Variants in NALF1 observed in about 807,000 individuals in gnomAD.
NALF1 encodes the protein family with sequence similarity 155 member A.
In NALF1, 3 loss-of-function variants were observed where a neutral mutation model predicts 48.4. That is an observed-to-expected ratio of 0.06 (90% CI 0.03 to 0.16). NALF1 has a LOEUF of 0.16. Among genes scored for constraint, NALF1 ranks in the 10% least tolerant of loss-of-function variants. The probability of loss-of-function intolerance (pLI) is 1.00; values close to 1 mark genes in which losing one functional copy is unlikely to be tolerated. For missense variants in NALF1, 526 were observed against 571.5 expected, an observed-to-expected ratio of 0.92 and a Z score of 0.81; for synonymous variants, 262 against 245.7, an observed-to-expected ratio of 1.07 and a Z score of -0.62.
At chr13:107,231,195 A>T (rs1046522810) in intron 1 of NALF1, among the ~76,000 whole-genome samples, 1 of 152,138 alleles carries the variant, frequency 6.6e-6, no homozygotes, top group East Asian at 1.9e-4. Context: ...TGGCAAATAT[A>T]GGTTTTGTAA....
At chr13:107,859,492 A>T (rs1880513439) in intron 1 of NALF1, among the ~76,000 whole-genome samples, 2 of 152,212 alleles carry the variant, frequency 1.3e-5, no homozygotes, top group African/African-American at 2.4e-5. Flanking sequence ...CAAGAATTTT[A>T]AAAAACTACC....
intron 1 of NALF1, among the ~76,000 whole-genome samples, chr13:107,435,341 C>T (rs1018928794): frequency 6.7e-6 from 1 of 149,408 alleles, no homozygotes; most frequent in African/African-American, 2.4e-5. Context: ...AAAAAAAAAT[C>T]AAAAGTCTAC....
In NALF1 at chr13:107,640,217, CTA is replaced by C. The variant is rs1315760433; in HGVS notation, c.915+225463_915+225464del. On this transcript the variant is annotated intron_variant, in intron 1 of 2. Transcript: ENST00000375915. Reference sequence around the variant, plus strand: ...CAGTGTTAAAGGTTATAAACAAATTCTATGTCTCAACCACTAAGTACTACGGC... The same window carrying C: ...CAGTGTTAAAGGTTATAAACAAATTCTGTCTCAACCACTAAGTACTACGGC... 3.9e-5 allele frequency among the ~76,000 whole-genome samples: 6 copies of C among 152,232 alleles called. No homozygotes were observed. The East Asian group carries it at 1.2e-3, about 29-fold the overall frequency.
intron 1 of NALF1, among the ~76,000 whole-genome samples, chr13:107,860,398 T>C (rs1004564628): frequency 6.6e-5 from 10 of 152,236 alleles, no homozygotes; most frequent in African/African-American, 2.2e-4. Context: ...TCTATATCAA[T>C]TGTCACTGTG....
chr13:107,480,291 C>A (rs1299934456), intron 1 of NALF1, among the ~76,000 whole-genome samples: 2 of 152,112 alleles, frequency 1.3e-5, no homozygotes, highest in African/African-American at 2.4e-5. Context: ...ACTTCAGAGA[C>A]CCCTTTTAAT....
intron 1 of NALF1, among the ~76,000 whole-genome samples, chr13:107,750,130 T>C (rs1349931759): frequency 6.6e-6 from 1 of 152,184 alleles, no homozygotes; most frequent in African/African-American, 2.4e-5. Context: ...ATTTAAAGCA[T>C]TGCCTCGGCC....
chr13:107,841,073 A>C (rs1047575948), intron 1 of NALF1, among the ~76,000 whole-genome samples: 2 of 152,006 alleles, frequency 1.3e-5, no homozygotes, highest in Non-Finnish European at 2.9e-5. Flanking sequence ...CCATGTATTC[A>C]CTCATTTACT....
intron 1 of NALF1, among the ~76,000 whole-genome samples, chr13:107,410,965 G>T (rs1465888435): frequency 6.6e-6 from 1 of 152,150 alleles, no homozygotes; most frequent in Non-Finnish European, 1.5e-5. Flanking sequence ...TAAGATTGGG[G>T]ACTGGAGATG....
intron 1 of NALF1, among the ~76,000 whole-genome samples, chr13:107,318,080 C>A (rs186285948): frequency 2.0e-5 from 3 of 152,064 alleles, no homozygotes; most frequent in Admixed American, 1.3e-4. Context: ...TAAGGAGATA[C>A]GACTGAGCAT....
intron 1 of NALF1, among the ~76,000 whole-genome samples, chr13:107,232,823 A>G (rs1880255650): frequency 6.6e-6 from 1 of 152,142 alleles, no homozygotes; most frequent in East Asian, 1.9e-4. Flanking sequence ...ACTCTTTTTC[A>G]GTGATTGTTC....
intron 1 of NALF1, among the ~76,000 whole-genome samples, chr13:107,395,515 C>T (rs1883697544): frequency 1.3e-5 from 2 of 152,062 alleles, no homozygotes; most frequent in Non-Finnish European, 2.9e-5. Flanking sequence ...GCTGGGTCGT[C>T]GAGAAGTGTC....
chr13:107,710,456 G>C (rs968185277), intron 1 of NALF1, among the ~76,000 whole-genome samples: 8 of 152,066 alleles, frequency 5.3e-5, no homozygotes, highest in Non-Finnish European at 1.2e-4. Context: ...ACCTGAGACT[G>C]GGTAATTTAT....
At chr13:107,205,113 G>A (rs776322488) in intron 2 of NALF1, among the ~76,000 whole-genome samples, 2 of 151,584 alleles carry the variant, frequency 1.3e-5, no homozygotes, top group East Asian at 1.9e-4. Context: ...CCACTAACTC[G>A]TCATCTAGCA....
At chr13:107,706,130 G>A (rs769653601) in intron 1 of NALF1, among the ~76,000 whole-genome samples, 2 of 152,144 alleles carry the variant, frequency 1.3e-5, no homozygotes, top group African/African-American at 4.8e-5. Flanking sequence ...TCTATAGCCT[G>A]CTAAAGTGCA....
chr13:107,274,994 T>A (rs982335435), intron 1 of NALF1, among the ~76,000 whole-genome samples: 2 of 152,176 alleles, frequency 1.3e-5, no homozygotes, highest in Admixed American at 1.3e-4. Flanking sequence ...GATTGAAAGA[T>A]GTTGCTCTCC....
chr13:107,617,657 C>G (rs1879416220), intron 1 of NALF1, among the ~76,000 whole-genome samples: 2 of 152,154 alleles, frequency 1.3e-5, no homozygotes, highest in Admixed American at 6.5e-5. Flanking sequence ...TAGGCTAAGG[C>G]AGGAAAGCCT....
chr13:107,466,070 T>C (rs953497106), intron 1 of NALF1: 6 of 152,684 alleles, frequency 3.9e-5, no homozygotes, highest in African/African-American at 1.4e-4. Context: ...AAGGCACGTC[T>C]CACATGGTGG....
chr13:107,667,697 A>G (rs565834889), intron 1 of NALF1, among the ~76,000 whole-genome samples: 1 of 152,264 alleles, frequency 6.6e-6, no homozygotes, highest in South Asian at 2.1e-4. Context: ...GCTTCTAGAA[A>G]AAAACGAATG....
intron 1 of NALF1, among the ~76,000 whole-genome samples, chr13:107,789,317 T>C (rs1373406137): frequency 1.3e-5 from 2 of 152,238 alleles, no homozygotes; most frequent in Non-Finnish European, 2.9e-5. Flanking sequence ...CAGAGTGATT[T>C]CACAATTTTT....
Sources: allele counts gnomAD v4.1 joint callset (sites outside exome capture counted in the v4.1 genomes callset), GRCh38; gene constraint gnomAD v4.1.1; transcripts MANE v1.5; gene names NCBI Gene and HGNC (gene_info 2026-07-23, HGNC 2026-07-21).